RYR3: variants seen among roughly 807,000 people sequenced by gnomAD.
RYR3 encodes brain ryanodine receptor-calcium release channel.
In RYR3, 207 loss-of-function variants were observed where a neutral mutation model predicts 584.3. The observed-to-expected ratio is 0.35, with a 90% CI of 0.32 to 0.40. The LOEUF (loss-of-function observed/expected upper bound fraction) is 0.40. Among genes scored for constraint, RYR3 ranks in the 10% least tolerant of loss-of-function variants. RYR3 has a pLI of 1.00. For synonymous variants in RYR3, 2,416 were observed against 2,248.5 expected (o/e 1.07, Z -2.11); for missense variants, 5,616 against 6,089.2 (o/e 0.92, Z 2.59).
chr15:33,634,650 A>T lies in RYR3; in HGVS notation c.3092A>T (p.Lys1031Met), dbSNP rs753104655. ...GCATTACTGGATGAGCGTACCAAGA[A>T]GTCAAACAGGGACAGCCTGCGGGAA... is the stretch of plus-strand genomic sequence containing the variant. The part of the protein sequence containing the change: ...PYALLDERTK[K>M]SNRDSLREAV... The change falls in exon 25 of 104, where the codon AAG becomes ATG. Residue 1031 changes from lysine to methionine, a missense_variant. Transcript: ENST00000634891. 119 of 1,613,864 alleles carry T rather than the reference A, an allele frequency of 7.4e-5. No individual in the cohort carries two copies. The highest frequency in any genetic ancestry group is 9.4e-5 in the Non-Finnish European group (111 of 1,179,862).
intron 1 of RYR3, among the ~76,000 whole-genome samples, chr15:33,351,788 C>T (rs1417788493): frequency 2.7e-5 from 4 of 149,228 alleles, no homozygotes; most frequent in African/African-American, 4.9e-5. Flanking sequence ...CTATGACAAA[C>T]CCACAGCCAA....
At chr15:33,313,109 G>A (rs765998912) in intron 1 of RYR3, among the ~76,000 whole-genome samples, 19 of 152,184 alleles carry the variant, frequency 1.2e-4, no homozygotes, top group Non-Finnish European at 1.9e-4. Flanking sequence ...CAAATGTGGC[G>A]TTATTGGTTC....
Position 33,837,895 on chromosome 15 carries a change from A to G in RYR3, c.11915A>G (p.Asp3972Gly), listed in dbSNP as rs370408651. The change falls in exon 89 of 104, where the codon GAC becomes GGC. Residue 3972 changes from aspartate to glycine, a missense_variant. By Grantham distance (94) the Asp-to-Gly change is moderately conservative. Around this residue, in one of 9 missense-constraint regions of RYR3, gnomAD observed 258 missense variants for 297.3 expected, o/e 0.87. Coordinates refer to ENST00000634891, the MANE Select transcript of RYR3 (RefSeq NM_001036.6). ...TCGTGTGCAGAAGCTGATGAGAATG[A>G]CATGTTTAATTACGTTGATTTTGTA... ...LLSCAEADEN[D>G]MFNYVDFVDR... 5.6e-6 allele frequency: 9 copies of G among 1,613,920 alleles called. No individual in the cohort carries two copies. In the African/African-American group the frequency reaches 1.1e-4, roughly 19 times the overall value.
In RYR3 at chr15:33,836,999, T is replaced by C; in HGVS notation, c.11650+12T>C. On this transcript the variant is annotated intron_variant, in intron 88 of 103. Transcript: ENST00000634891. ...GTCCCTCCTGGAAGGTTGGGCTGTT[T>C]GGTATAACTAGGCCTTCACACAACT... 1 of 1,605,738 alleles carries C rather than the reference T, an allele frequency of 6.2e-7. No homozygotes were observed. The highest frequency in any genetic ancestry group is 2.2e-5 in the East Asian group (1 of 44,812).
intron 10 of RYR3, among the ~76,000 whole-genome samples, chr15:33,555,107 T>C (rs1475132723): frequency 6.6e-6 from 1 of 152,194 alleles, no homozygotes; most frequent in Non-Finnish European, 1.5e-5. Flanking sequence ...TTAAATTCAG[T>C]TTAGTAAACA....
intron 67 of RYR3, among the ~76,000 whole-genome samples, chr15:33,796,107 G>GT (rs1208296124): frequency 6.6e-6 from 1 of 151,908 alleles, no homozygotes; most frequent in Non-Finnish European, 1.5e-5. Flanking sequence ...ATCATTTGTC[G>GT]TTTTTTGTTT....
chr15:33,727,870 C>A (rs1039638124), intron 46 of RYR3, among the ~76,000 whole-genome samples: 2 of 152,122 alleles, frequency 1.3e-5, no homozygotes, highest in African/African-American at 2.4e-5. Context: ...TGTTTTCTAT[C>A]CTCACTCGAA....
chr15:33,638,710 G>C (rs955090059), intron 27 of RYR3, among the ~76,000 whole-genome samples: 1 of 152,160 alleles, frequency 6.6e-6, no homozygotes, highest in Non-Finnish European at 1.5e-5. Flanking sequence ...GTATTAAGGA[G>C]CTCATTTTTT....
intron 1 of RYR3, among the ~76,000 whole-genome samples, chr15:33,382,529 G>T (rs2041276198): frequency 6.6e-6 from 1 of 151,922 alleles, no homozygotes; most frequent in East Asian, 1.9e-4. Flanking sequence ...CACCATATTA[G>T]TCAGGCTGCT....
At chr15:33,648,577 T>C (rs796663626) in intron 30 of RYR3, among the ~76,000 whole-genome samples, 42 of 152,334 alleles carry the variant, frequency 2.8e-4, no homozygotes, top group African/African-American at 1.0e-3. Context: ...GAGCAACCTC[T>C]TTCAAGACTT....
intron 5 of RYR3, among the ~76,000 whole-genome samples, chr15:33,533,634 C>A (rs1249019101): frequency 1.3e-5 from 2 of 152,170 alleles, no homozygotes; most frequent in East Asian, 1.9e-4. Context: ...AAAAACAAAT[C>A]TTTAACGTTG....
intron 36 of RYR3, among the ~76,000 whole-genome samples, chr15:33,664,587 G>GTA (rs879709155): frequency 0.068 from 2,892 of 42,222 alleles, 139 homozygotes; most frequent in East Asian, 0.21. Context: ...GTGTGTGTGT[G>GTA]TGTATATATA....
At chr15:33,433,146 C>T (rs533809211) in intron 1 of RYR3, among the ~76,000 whole-genome samples, 1 of 152,206 alleles carries the variant, frequency 6.6e-6, no homozygotes, top group East Asian at 1.9e-4. Flanking sequence ...GTATTTTATG[C>T]TGTATGTATT....
chr15:33,647,520 A>G, intron 30 of RYR3, 60 bp downstream of exon 30: 2 of 1,239,896 alleles, frequency 1.6e-6, no homozygotes, highest in Non-Finnish European at 1.2e-6. Flanking sequence ...GCCTGGTAAT[A>G]TGCCCCTTAC....
intron 1 of RYR3, among the ~76,000 whole-genome samples, chr15:33,388,961 A>T (rs1214688000): frequency 6.6e-6 from 1 of 151,808 alleles, no homozygotes; most frequent in Non-Finnish European, 1.5e-5. Context: ...ATGAAGCTGG[A>T]AATCATCATT....
rs555048966 is a variant in RYR3, at chr15:33,757,753, T to C, written c.8705+157T>C. The C allele has an allele frequency of 9.0e-5, 69 of 763,582 alleles. 1 individual carries two copies. The South Asian group carries it at 1.1e-3, about 12-fold the overall frequency. 47.3% of individuals were successfully genotyped at this position (763,582 alleles called of 1,614,324 possible). ...TCGAAAGAAACTATATTCATACATA[T>C]CTGAATTATTTCAGCAACCAATTGA... On this transcript the variant is annotated intron_variant, in intron 60 of 103. Coordinates refer to ENST00000634891, the MANE Select transcript of RYR3 (RefSeq NM_001036.6).
At chr15:33,690,342 G>A (rs2065332183) in intron 38 of RYR3, among the ~76,000 whole-genome samples, 1 of 152,204 alleles carries the variant, frequency 6.6e-6, no homozygotes, top group African/African-American at 2.4e-5. Flanking sequence ...CAGGCTAGCA[G>A]GTTGCCCTTT....
chr15:33,776,753 T>C (rs1436744649), intron 64 of RYR3, among the ~76,000 whole-genome samples: 1 of 152,128 alleles, frequency 6.6e-6, no homozygotes, highest in Non-Finnish European at 1.5e-5. Context: ...ACGTGCAAGA[T>C]ATTATTATTA....
At chr15:33,380,973 G>A (rs919691087) in intron 1 of RYR3, among the ~76,000 whole-genome samples, 9 of 152,178 alleles carry the variant, frequency 5.9e-5, no homozygotes, top group African/African-American at 1.7e-4. Flanking sequence ...GTCTTAGGAT[G>A]TATGTCCAAG....
Sources: allele counts gnomAD v4.1 joint callset (sites outside exome capture counted in the v4.1 genomes callset), GRCh38; gene constraint gnomAD v4.1.1; regional missense constraint gnomAD v4.1.1; transcripts MANE v1.5; gene names NCBI Gene and HGNC (gene_info 2026-07-23, HGNC 2026-07-21).